COG6: variants seen among roughly 807,000 people sequenced by gnomAD.
COG6 encodes conserved oligomeric Golgi complex subunit 6.
In COG6, 74 loss-of-function variants were observed where a neutral mutation model predicts 88.8. That is an observed-to-expected ratio of 0.83 (90% CI 0.69 to 1.01). The LOEUF is 1.01. Ranked by LOEUF, COG6 falls within the 50% of genes least tolerant of loss-of-function variation. The pLI is 0.00. For synonymous variants in COG6, 286 were observed against 278.7 expected, an observed-to-expected ratio of 1.03 and a Z score of -0.26; for missense variants, 800 against 797.9, an observed-to-expected ratio of 1.00 and a Z score of -0.03.
intron 13 of COG6, among the ~76,000 whole-genome samples, chr13:39,714,371 A>G (rs1305424441): frequency 6.6e-6 from 1 of 152,108 alleles, no homozygotes; most frequent in African/African-American, 2.4e-5. Context: ...TTTGCAAACT[A>G]CGTATCTGAA....
At chr13:39,713,620 C>T (rs1178401184) in intron 13 of COG6, among the ~76,000 whole-genome samples, 2 of 152,056 alleles carry the variant, frequency 1.3e-5, no homozygotes, top group South Asian at 2.1e-4. Flanking sequence ...CCTGTAGTCC[C>T]AGCTACTCGG....
downstream of COG6, among the ~76,000 whole-genome samples, chr13:39,753,770 A>G (rs1350583994): frequency 2.6e-5 from 4 of 152,094 alleles, no homozygotes; most frequent in African/African-American, 4.8e-5. Flanking sequence ...CTGTAGGATT[A>G]TTCTCAATGT....
At chr13:39,743,747 A>G (rs765627062) in intron 18 of COG6, among the ~76,000 whole-genome samples, 1 of 152,204 alleles carries the variant, frequency 6.6e-6, no homozygotes, top group Admixed American at 6.5e-5. Context: ...TCCCTAACTC[A>G]TGTTATGAGG....
intron 18 of COG6, among the ~76,000 whole-genome samples, chr13:39,732,158 T>G (rs879827413): frequency 2.0e-5 from 3 of 152,164 alleles, no homozygotes; most frequent in Non-Finnish European, 2.9e-5. Context: ...ACCCGGAAAT[T>G]ATGCTTTATC....
At chr13:39,711,640 A>T (rs1027255265) in intron 13 of COG6, among the ~76,000 whole-genome samples, 4 of 152,166 alleles carry the variant, frequency 2.6e-5, no homozygotes, top group Non-Finnish European at 5.9e-5. Context: ...AATGGGAATG[A>T]TATATACCTT....
chr13:39,656,482 G>A (rs1294076695), intron 1 of COG6, among the ~76,000 whole-genome samples: 1 of 151,878 alleles, frequency 6.6e-6, no homozygotes, highest in Non-Finnish European at 1.5e-5. Context: ...AAGATAAACT[G>A]ACAGCATGCT....
chr13:39,719,651 C>T lies in COG6; in HGVS notation c.1417-9C>T, dbSNP rs567412602. 27 of 1,609,084 alleles carry T rather than the reference C, an allele frequency of 1.7e-5. No homozygotes were observed. The highest frequency in any genetic ancestry group is 2.2e-5 in the Non-Finnish European group (26 of 1,176,192). On this transcript the variant is annotated splice_polypyrimidine_tract_variant and intron_variant, in intron 14 of 18. Transcript: ENST00000455146. The stretch of plus-strand genomic sequence containing the variant: ...GAAATAAAGAGTTCATTTTATTTTT[C>T]ATTTGTAGGTTTTATCATGTGTCTT...
chr13:39,728,912 C>T (rs187056685), intron 18 of COG6, among the ~76,000 whole-genome samples: 4 of 152,236 alleles, frequency 2.6e-5, no homozygotes, highest in Admixed American at 2.6e-4. Context: ...ATCCACCTGC[C>T]TCGGCCTCCC....
intron 8 of COG6, among the ~76,000 whole-genome samples, chr13:39,687,018 C>T (rs981985852): frequency 5.3e-5 from 8 of 152,144 alleles, no homozygotes; most frequent in South Asian, 2.1e-4. Context: ...TGTGAACCAC[C>T]GCACCCAGCC....
chr13:39,768,898 C>CT (rs1212115859), intron 18 of COG6, among the ~76,000 whole-genome samples: 5 of 152,186 alleles, frequency 3.3e-5, no homozygotes, highest in Middle Eastern at 3.4e-3. Flanking sequence ...TTGCCCTGAC[C>CT]TTTCACTTGA....
At chr13:39,664,985 A>G in intron 3 of COG6, 111 bp from the exon 4 acceptor site, 1 of 686,822 alleles carries the variant, frequency 1.5e-6, no homozygotes, top group Non-Finnish European at 2.7e-6. Flanking sequence ...TTTGAGTTCC[A>G]TAGAGTGATC....
intron 11 of COG6, among the ~76,000 whole-genome samples, chr13:39,694,337 A>G (rs1449558986): frequency 6.6e-6 from 1 of 151,840 alleles, no homozygotes; most frequent in Non-Finnish European, 1.5e-5. Flanking sequence ...ACCAAATTCC[A>G]TTATATACTG....
intron 1 of COG6, among the ~76,000 whole-genome samples, chr13:39,658,094 A>G (rs2137938822): frequency 6.6e-6 from 1 of 150,694 alleles, no homozygotes; most frequent in East Asian, 1.9e-4. Flanking sequence ...ATCTCCTGCA[A>G]ATCCACAAAC....
At chr13:39,742,609 C>T (rs1320402480) in intron 18 of COG6, among the ~76,000 whole-genome samples, 2 of 151,912 alleles carry the variant, frequency 1.3e-5, no homozygotes, top group Non-Finnish European at 2.9e-5. Flanking sequence ...TAAAGCAAGT[C>T]CTTAGAGACC....
chr13:39,757,618 T>C (rs982716425), downstream of COG6, among the ~76,000 whole-genome samples: 1 of 150,414 alleles, frequency 6.6e-6, no homozygotes, highest in African/African-American at 2.4e-5. Context: ...GGGACATTAC[T>C]GAACTTACAG....
At chr13:39,713,950 T>G (rs1169326513) in intron 13 of COG6, among the ~76,000 whole-genome samples, 1 of 152,236 alleles carries the variant, frequency 6.6e-6, no homozygotes, top group East Asian at 1.9e-4. Flanking sequence ...GGTTCTTACC[T>G]TGTTGCCGAT....
At chr13:39,740,129 T>C (rs1879970907) in intron 18 of COG6, among the ~76,000 whole-genome samples, 1 of 152,210 alleles carries the variant, frequency 6.6e-6, no homozygotes, top group African/African-American at 2.4e-5. Flanking sequence ...ACTCTGTTCA[T>C]AGACTGAAAA....
intron 18 of COG6, among the ~76,000 whole-genome samples, chr13:39,787,070 A>AT (rs1261261795): frequency 4.6e-5 from 7 of 151,922 alleles, no homozygotes; most frequent in Non-Finnish European, 8.8e-5. Context: ...TTCTCTGCCC[A>AT]TTTTTTTTCT....
intron 18 of COG6, among the ~76,000 whole-genome samples, chr13:39,741,920 A>G (rs1270075912): frequency 6.6e-6 from 1 of 152,222 alleles, no homozygotes; most frequent in Admixed American, 6.5e-5. Flanking sequence ...CAGAAACTCT[A>G]CAAGCCAGAA....
Sources: allele counts gnomAD v4.1 joint callset (sites outside exome capture counted in the v4.1 genomes callset), GRCh38; gene constraint gnomAD v4.1.1; transcripts MANE v1.5; gene names NCBI Gene and HGNC (gene_info 2026-07-23, HGNC 2026-07-21).